The following TAFA1 variants were observed in gnomAD, a reference collection of about 807,000 sequenced individuals.
TAFA1 encodes the protein chemokine-like protein TAFA-1.
In TAFA1, 4 loss-of-function variants were observed where a neutral mutation model predicts 18.5. The observed-to-expected ratio is 0.22, with a 90% CI of 0.11 to 0.49. The LOEUF (loss-of-function observed/expected upper bound fraction) is 0.49. TAFA1 is among the 20% of genes least tolerant of loss of function. The pLI is 0.98. For missense variants in TAFA1, 147 were observed against 169.0 expected (o/e 0.87, Z 0.72); for synonymous variants, 56 against 55.2 (o/e 1.01, Z -0.06).
chr3:68,311,720 A>G (rs72626954), intron 2 of TAFA1, among the ~76,000 whole-genome samples: 3,935 of 152,268 alleles, frequency 0.026, 90 homozygotes, highest in East Asian at 0.098. Flanking sequence ...TGCTTTCAGA[A>G]ACTGTTGTTG....
chr3:68,459,508 TGATTCA>T (rs2071734267), intron 3 of TAFA1, among the ~76,000 whole-genome samples: 1 of 152,080 alleles, frequency 6.6e-6, no homozygotes, highest in Non-Finnish European at 1.5e-5. Flanking sequence ...GAATAAGTAA[TGATTCA>T]GACTAAACTG....
intron 2 of TAFA1, among the ~76,000 whole-genome samples, chr3:68,088,366 C>T (rs1255746422): frequency 6.6e-6 from 1 of 152,094 alleles, no homozygotes; most frequent in East Asian, 1.9e-4. Flanking sequence ...GAGGTTTCCG[C>T]TCAGAGCAAC....
intron 2 of TAFA1, among the ~76,000 whole-genome samples, chr3:68,090,701 C>T (rs987188246): frequency 4.6e-5 from 7 of 152,142 alleles, no homozygotes; most frequent in Non-Finnish European, 8.8e-5. Context: ...TTTATGGAAT[C>T]TGGCAAAGTG....
intron 2 of TAFA1, among the ~76,000 whole-genome samples, chr3:68,320,017 T>G (rs2068673299): frequency 6.6e-6 from 1 of 152,158 alleles, no homozygotes; most frequent in Non-Finnish European, 1.5e-5. Flanking sequence ...TTATGTGCAG[T>G]TTGAGTAAAT....
intron 2 of TAFA1, among the ~76,000 whole-genome samples, chr3:68,350,829 C>A (rs1250130348): frequency 1.3e-5 from 2 of 152,088 alleles, no homozygotes; most frequent in African/African-American, 4.8e-5. Flanking sequence ...CTTAACTGGT[C>A]TGGTCTCTAT....
intron 2 of TAFA1, among the ~76,000 whole-genome samples, chr3:68,331,487 A>C (rs2068869641): frequency 6.6e-6 from 1 of 152,242 alleles, no homozygotes; most frequent in Admixed American, 6.5e-5. Flanking sequence ...TAAATGAATG[A>C]ATGCTAGTAA....
intron 2 of TAFA1, among the ~76,000 whole-genome samples, chr3:68,384,743 C>G: frequency 6.6e-6 from 1 of 151,982 alleles, no homozygotes; most frequent in East Asian, 1.9e-4. Flanking sequence ...CCTCAATAAT[C>G]TATCTAATAT....
rs559394645 is a variant in TAFA1 at position 68,125,953 on chromosome 3, A to T, written c.118+119209A>T. Among the ~76,000 whole-genome samples the T allele has an allele frequency of 4.6e-5, 7 of 152,230 alleles. No homozygotes were observed. In the East Asian group the frequency reaches 1.4e-3, roughly 29 times the overall value. The stretch of plus-strand genomic sequence containing the variant: ...GGTAGATGATTCTAGAAAGTGTTCC[A>T]CATGCTTCTCAGTGGCTCTGTGGAT... On this transcript the variant is annotated intron_variant, in intron 2 of 4. Coordinates refer to ENST00000478136, the MANE Select transcript of TAFA1 (RefSeq NM_213609.4).
intron 3 of TAFA1, among the ~76,000 whole-genome samples, chr3:68,480,890 G>A (rs930154105): frequency 1.3e-5 from 2 of 152,086 alleles, no homozygotes; most frequent in Non-Finnish European, 2.9e-5. Flanking sequence ...CCCTCATACT[G>A]TTCTCGTGGT....
Position 68,454,001 on chromosome 3 carries a change from C to T in TAFA1, c.259+36581C>T, listed in dbSNP as rs566473247. Among the ~76,000 whole-genome samples the T allele has an allele frequency of 3.9e-5, 6 of 152,256 alleles. No homozygotes were observed. The South Asian group carries it at 8.3e-4, about 21-fold the overall frequency. ...TGAGAAATTAATTCTTTGCACATCCCGTGGAAGTTGAAGCAGGTTAACAGA... is the reference window on the plus strand; with the variant it reads ...TGAGAAATTAATTCTTTGCACATCCTGTGGAAGTTGAAGCAGGTTAACAGA... On this transcript the variant is annotated intron_variant, in intron 3 of 4. Coordinates refer to ENST00000478136, the MANE Select transcript of TAFA1 (RefSeq NM_213609.4).
intron 2 of TAFA1, among the ~76,000 whole-genome samples, chr3:68,277,929 C>A (rs1575740517): frequency 6.6e-6 from 1 of 152,104 alleles, no homozygotes; most frequent in Non-Finnish European, 1.5e-5. Context: ...ATGCTATGAG[C>A]AAATCACAAT....
chr3:68,321,932 T>A (rs961303263), intron 2 of TAFA1, among the ~76,000 whole-genome samples: 4 of 152,244 alleles, frequency 2.6e-5, no homozygotes, highest in Admixed American at 2.6e-4. Context: ...AAAGATATAT[T>A]TCCACCTTAA....
At chr3:68,289,494 C>G (rs957957096) in intron 2 of TAFA1, among the ~76,000 whole-genome samples, 1 of 152,154 alleles carries the variant, frequency 6.6e-6, no homozygotes, top group Non-Finnish European at 1.5e-5. Context: ...GTGAGAGTCA[C>G]AGGAAGACAC....
At chr3:68,404,954 A>G (rs1436135647) in intron 2 of TAFA1, among the ~76,000 whole-genome samples, 1 of 152,142 alleles carries the variant, frequency 6.6e-6, no homozygotes, top group Non-Finnish European at 1.5e-5. Flanking sequence ...TGATCTTTTC[A>G]TCTTCACTTC....
rs117369268 is a variant in TAFA1 at position 68,266,839 on chromosome 3, A to G, written c.119-150441A>G. On this transcript the variant is annotated intron_variant, in intron 2 of 4. Transcript: ENST00000478136. ...TGCTGCCCAACTCTCAGCGATAAGT[A>G]TGTGGTTTTAATTGGCTTGTTATCA... 1.3e-3 allele frequency among the ~76,000 whole-genome samples: 192 copies of G among 152,250 alleles called. 1 individual carries two copies. The highest frequency in any genetic ancestry group is 8.9e-3 in the Admixed American group (136 of 15,280).
chr3:68,260,834 C>T (rs1412493006), intron 2 of TAFA1, among the ~76,000 whole-genome samples: 2 of 152,066 alleles, frequency 1.3e-5, no homozygotes, highest in Admixed American at 6.6e-5. Flanking sequence ...AAAACCTAGG[C>T]AATACCATTC....
chr3:68,091,457 C>T (rs1320691909), intron 2 of TAFA1, among the ~76,000 whole-genome samples: 2 of 152,108 alleles, frequency 1.3e-5, no homozygotes, highest in African/African-American at 4.8e-5. Flanking sequence ...CAGTATCTGA[C>T]TTGAGACCTT....
At chr3:68,113,208 G>A (rs962223957) in intron 2 of TAFA1, among the ~76,000 whole-genome samples, 4 of 152,172 alleles carry the variant, frequency 2.6e-5, no homozygotes, top group African/African-American at 9.7e-5. Context: ...TTATGTTATT[G>A]TGAGGATAGG....
At chr3:68,506,434 G>A (rs1286243408) in intron 3 of TAFA1, among the ~76,000 whole-genome samples, 1 of 151,708 alleles carries the variant, frequency 6.6e-6, no homozygotes, top group African/African-American at 2.4e-5. Context: ...TAAATCATTA[G>A]GGGTCACCTT....
Sources: allele counts gnomAD v4.1 joint callset (sites outside exome capture counted in the v4.1 genomes callset), GRCh38; gene constraint gnomAD v4.1.1; transcripts MANE v1.5; gene names NCBI Gene and HGNC (gene_info 2026-07-23, HGNC 2026-07-21).